Variants in WNK4 observed in about 807,000 individuals in gnomAD.
The protein encoded by WNK4 is WNK lysine deficient protein kinase 4.
WNK4 carries 94 observed loss-of-function variants against 116.2 expected under a neutral mutation model. The observed-to-expected ratio is 0.81, with a 90% CI of 0.68 to 0.96. The LOEUF (loss-of-function observed/expected upper bound fraction) is 0.96, where lower values mean the gene tolerates loss of function less well. WNK4 is among the 40% of genes least tolerant of loss of function. The pLI is 0.00. For missense variants in WNK4, 1,542 were observed against 1,650.6 expected, an observed-to-expected ratio of 0.93 and a Z score of 1.14; for synonymous variants, 655 against 672.7, an observed-to-expected ratio of 0.97 and a Z score of 0.41.
chr17:42,785,374 G>A lies in WNK4; in HGVS notation c.1368G>A (p.Trp456Ter). The A allele has an allele frequency of 6.2e-7, 1 of 1,603,952 alleles. No homozygotes were observed. The highest frequency in any genetic ancestry group is 2.2e-5 in the East Asian group (1 of 44,464). ...GCGAGAAGCCGGGCCTCAAGCTCTGGCTGCGCATGGAGGACGCGCGGCGCG... is the reference window on the plus strand; with the variant it reads ...GCGAGAAGCCGGGCCTCAAGCTCTGACTGCGCATGGAGGACGCGCGGCGCG... ...DDGEKPGLKL[W>*]LRMEDARRGG... The change falls in exon 6 of 19, where the codon TGG (tryptophan) becomes TGA (stop). Residue 456 changes from tryptophan to a stop codon, truncating the protein, a stop_gained. Transcript: ENST00000246914. LOFTEE classifies it high-confidence loss of function.
chr17:42,785,181 G>A lies in WNK4; in HGVS notation c.1255G>A (p.Glu419Lys). 1 of 1,613,758 alleles carries A rather than the reference G, an allele frequency of 6.2e-7. No individual in the cohort carries two copies. Among genetic ancestry groups the A allele is most frequent in the South Asian group, 1.1e-5 (1 of 90,968 alleles). The change falls in exon 5 of 19, where the codon GAG becomes AAG. Residue 419 changes from glutamate to lysine, a missense_variant. Around this residue, in one of 7 missense-constraint regions of WNK4, gnomAD observed 808 missense variants for 873.6 expected, o/e 0.92. Coordinates refer to ENST00000246914, the MANE Select transcript of WNK4 (RefSeq NM_032387.5). Reference sequence around the variant, plus strand: ...AGGCTGCATCCGCACGGATAAGAACGAGAGGTGGGGGTGAAAGGGCAGAGC... The same window carrying A: ...AGGCTGCATCCGCACGGATAAGAACAAGAGGTGGGGGTGAAAGGGCAGAGC... ...IEGCIRTDKN[E>K]RFTIQDLLAH...
In WNK4 at chr17:42,796,943, C is replaced by CA; in HGVS notation, c.*257dup. On this transcript the variant is annotated 3_prime_UTR_variant, in exon 19 of 19. Coordinates refer to ENST00000246914, the MANE Select transcript of WNK4 (RefSeq NM_032387.5). ...CTCTAGCACCTCCCCTGCCAAGAGT[C>CA]AACCACTAAGCAATCCCACCCAAGC... is the stretch of plus-strand genomic sequence containing the variant. The CA allele has an allele frequency of 1.5e-6, 1 of 688,180 alleles. No homozygotes were observed. The highest frequency in any genetic ancestry group is 2.4e-6 in the Non-Finnish European group (1 of 421,214). 42.6% of individuals were successfully genotyped at this position (688,180 alleles called of 1,614,324 possible). A position where few individuals can be genotyped will look rare whatever the true frequency, so the allele number is the denominator to read the frequency against.
rs1380866566 is a variant in WNK4, at chr17:42,780,788, C to A, written c.90C>A (p.Thr30=). The part of the protein sequence containing the change: ...LALRPPPPLG[T]AGQPRLGPPP... ...TGCGGCCCCCGCCTCCTCTTGGCAC[C>A]GCGGGGCAGCCCCGCCTCGGGCCCC... Residue 30 remains threonine (T), a synonymous_variant, in exon 1 of 19, where the codon ACC becomes ACA. Coordinates refer to ENST00000246914, the MANE Select transcript of WNK4 (RefSeq NM_032387.5). The A allele has an allele frequency of 1.2e-6, 2 of 1,604,510 alleles. No individual in the cohort carries two copies. Among genetic ancestry groups the A allele is most frequent in the Non-Finnish European group, 1.7e-6 (2 of 1,178,600 alleles).
At position 42,795,710 on chromosome 17, in the gene WNK4, C is replaced by A; in HGVS notation, c.3108C>A (p.Pro1036=). The A allele has an allele frequency of 1.2e-6, 2 of 1,613,460 alleles. No individual in the cohort carries two copies. Among genetic ancestry groups the A allele is most frequent in the Non-Finnish European group, 1.7e-6 (2 of 1,180,038 alleles). ...AEPLPLQPTS[P]TLSGSPKPST... ...CTCTTCCCTTGCAGCCAACATCCCCCACTCTCTCTGGTTCTCCAAAACCTT... is the reference window on the plus strand; with the variant it reads ...CTCTTCCCTTGCAGCCAACATCCCCAACTCTCTCTGGTTCTCCAAAACCTT... The change falls in exon 16 of 19, where the codon CCC becomes CCA. Residue 1036 remains proline (P), a synonymous_variant. Coordinates refer to ENST00000246914, the MANE Select transcript of WNK4 (RefSeq NM_032387.5).
At position 42,785,441 on chromosome 17, in the gene WNK4, C is replaced by T; in HGVS notation, c.1435C>T (p.Gln479Ter). The T allele has an allele frequency of 6.4e-7, 1 of 1,557,536 alleles. No individual in the cohort carries two copies. Among genetic ancestry groups the T allele is most frequent in the Non-Finnish European group, 8.7e-7 (1 of 1,150,170 alleles). ...CAACCAGGCCATCGAGTTCCTGTTC[C>T]AGCTGGGCCGGGACGCGGCCGAGGA... is the stretch of plus-strand genomic sequence containing the variant. ...RDNQAIEFLFQLGRDAAEEVA... is the reference protein window; with the variant it reads ...RDNQAIEFLF The change falls in exon 6 of 19, where the codon CAG (glutamine) becomes TAG (stop). Residue 479 changes from glutamine (Q) to a stop codon, truncating the protein, a stop_gained. Coordinates refer to ENST00000246914, the MANE Select transcript of WNK4 (RefSeq NM_032387.5). LOFTEE classifies it high-confidence loss of function.
In WNK4 at chr17:42,784,395, A is replaced by G. The variant is rs1183268352; in HGVS notation, c.1013-27A>G. The G allele has an allele frequency of 3.1e-6, 5 of 1,610,666 alleles. No individual in the cohort carries two copies. In the African/African-American group the frequency reaches 4.0e-5, roughly 13 times the overall value. ...AAGGACGAGGCCAGAGTGCCCAGCA[A>G]TCTGATCCCTGCTGTGGACCCTACA... On this transcript the variant is annotated intron_variant, in intron 3 of 18. Transcript: ENST00000246914. This position sits in a 1 kb window ranked among gnomAD's most constrained non-coding sequence, Gnocchi z 4.4.
In WNK4 at chr17:42,795,883, C is replaced by G. The variant is rs371930924; in HGVS notation, c.3281C>G (p.Pro1094Arg). Residue 1094 changes from proline to arginine, a missense_variant, in exon 16 of 19, where the codon CCC (proline) becomes CGC (arginine). Coordinates refer to ENST00000246914, the MANE Select transcript of WNK4 (RefSeq NM_032387.5). ...GAGGAAGGAGATGATGGGAAGGAAC[C>G]CCAAGTTGGGGGCAGCCCCCAACCC... ...VEEEGDDGKE[P>R]QVGGSPQPLS... is the part of the protein sequence containing the mutation. The G allele has an allele frequency of 5.0e-6, 8 of 1,611,668 alleles. No homozygotes were observed. The African/African-American group carries it at 9.4e-5, about 19-fold the overall frequency.
rs374463256 is a variant in WNK4, at chr17:42,788,333, G to A, written c.1966G>A (p.Gly656Arg). Residue 656 changes from glycine to arginine, a missense_variant, in exon 10 of 19, where the codon GGG (glycine) becomes AGG (arginine). Gly to Arg is a moderately radical substitution (Grantham distance 125). Transcript: ENST00000246914. ...TTCAGGCCTTAGCGATGTGGGAGAA[G>A]GGATGGGACAAATGAGGAGACCCCC... ...AASGLSDVGE[G>R]MGQMRRPPGR... is the part of the protein sequence containing the mutation. 4 of 1,614,084 alleles carry A rather than the reference G, an allele frequency of 2.5e-6. No individual in the cohort carries two copies. The highest frequency in any genetic ancestry group is 3.4e-6 in the Non-Finnish European group (4 of 1,180,028).
rs1359703773 is a variant in WNK4, at chr17:42,794,681, T to C, written c.2350+13T>C. On this transcript the variant is annotated intron_variant, in intron 13 of 18. Transcript: ENST00000246914. The stretch of plus-strand genomic sequence containing the variant: ...GACCCATCCAATGGTATGTACTGAG[T>C]TGTGTCCTTGCTCATCCCAACCCCT... 4 of 1,613,728 alleles carry C rather than the reference T, an allele frequency of 2.5e-6. No homozygotes were observed. The highest frequency in any genetic ancestry group is 1.3e-5 in the African/African-American group (1 of 74,860).
intron 11 of WNK4, 137 bp downstream of exon 11, chr17:42,788,934 C>A: frequency 1.3e-6 from 1 of 753,090 alleles, no homozygotes; most frequent in Non-Finnish European, 2.4e-6. Context: ...CACAGTAACG[C>A]TGAAGATGTC....
intron 11 of WNK4, 136 bp downstream of exon 11, chr17:42,788,933 G>A (rs1334981436): frequency 4.2e-5 from 32 of 760,544 alleles, no homozygotes; most frequent in African/African-American, 1.7e-4. Context: ...GCACAGTAAC[G>A]CTGAAGATGT....
chr17:42,781,226 T>G lies in WNK4; in HGVS notation c.528T>G (p.Phe176Leu). ...CCCCCGATGGCCGATACCTCAAGTTTGACATCGAGATTGGACGTGGCTCCT... is the reference window on the plus strand; with the variant it reads ...CCCCCGATGGCCGATACCTCAAGTTGGACATCGAGATTGGACGTGGCTCCT... The part of the protein sequence containing the change: ...ATSPDGRYLK[F>L]DIEIGRGSFK... The change falls in exon 1 of 19, where the codon TTT becomes TTG. Residue 176 changes from phenylalanine (F) to leucine (L), a missense_variant. Physicochemically the swap from Phe to Leu is conservative, Grantham distance 22 (BLOSUM62 0). Transcript: ENST00000246914. 4 of 1,614,136 alleles carry G rather than the reference T, an allele frequency of 2.5e-6. No homozygotes were observed. Among genetic ancestry groups the G allele is most frequent in the Non-Finnish European group, 3.4e-6 (4 of 1,180,014 alleles).
chr17:42,784,494 G>A lies in WNK4; in HGVS notation c.1085G>A (p.Gly362Asp), dbSNP rs768268589. The A allele has an allele frequency of 1.9e-6, 3 of 1,613,840 alleles. No individual in the cohort carries two copies. The African/African-American group carries it at 4.0e-5, about 22-fold the overall frequency. The stretch of plus-strand genomic sequence containing the variant: ...GAGGCCGTGGACGTGTACGCGTTCG[G>A]CATGTGCATGCTGGAGATGGCCACC... ...YDEAVDVYAF[G>D]MCMLEMATSE... Residue 362 changes from glycine to aspartate, a missense_variant, in exon 4 of 19, where the codon GGC (glycine) becomes GAC (aspartate). By Grantham distance (94) the Gly-to-Asp change is moderately conservative. This residue lies in a region of WNK4 where 808 missense variants were observed against 873.6 expected (regional missense o/e 0.92). Transcript: ENST00000246914. This position sits in a 1 kb window ranked among gnomAD's most constrained non-coding sequence, Gnocchi z 4.4.
At position 42,785,294 on chromosome 17, in the gene WNK4, G is replaced by A. The variant is rs1415443774; in HGVS notation, c.1288G>A (p.Ala430Thr). Residue 430 changes from alanine to threonine, a missense_variant, in exon 6 of 19, where the codon GCC (alanine) becomes ACC (threonine). Ala to Thr is a moderately conservative substitution (Grantham distance 58). This residue lies in a region of WNK4 where 808 missense variants were observed against 873.6 expected (regional missense o/e 0.92). Transcript: ENST00000246914. Reference protein sequence around the residue: ...RFTIQDLLAHAFFREERGVHV... With the variant: ...RFTIQDLLAHTFFREERGVHV... ...CACCATCCAGGACCTCCTGGCCCAC[G>A]CCTTCTTCCGCGAGGAGCGCGGTGT... is the stretch of plus-strand genomic sequence containing the variant. 1 of 1,611,542 alleles carries A rather than the reference G, an allele frequency of 6.2e-7. No individual in the cohort carries two copies. The highest frequency in any genetic ancestry group is 8.5e-7 in the Non-Finnish European group (1 of 1,179,012).
rs1309542236 is a variant in WNK4 at position 42,782,919 on chromosome 17, C to T, written c.780C>T (p.Gly260=). Residue 260 remains glycine (G), a synonymous_variant, in exon 2 of 19, where the codon GGC becomes GGT. Transcript: ENST00000246914. This position sits in a 1 kb window ranked among gnomAD's most constrained non-coding sequence, Gnocchi z 4.2. The stretch of plus-strand genomic sequence containing the variant: ...TGGTCACCGAACTCATGACCTCGGG[C>T]ACGCTCAAGACGTGAGCTCTGCGCA... The part of the protein sequence containing the change: ...IVLVTELMTS[G]TLKTYLRRFR... 4 of 1,613,958 alleles carry T rather than the reference C, an allele frequency of 2.5e-6. No individual in the cohort carries two copies. In the African/African-American group the frequency reaches 5.3e-5, roughly 22 times the overall value.
chr17:42,788,070 ATC>A, intron 8 of WNK4, 58 bp from the exon 9 acceptor site: 1 of 1,601,398 alleles, frequency 6.2e-7, no homozygotes, highest in Non-Finnish European at 8.6e-7. Context: ...CCTTGACACC[ATC>A]TCCCTAGATC....
Position 42,797,057 on chromosome 17 carries a change from G to A in WNK4, c.*369G>A, listed in dbSNP as rs761553294. On this transcript the variant is annotated 3_prime_UTR_variant, in exon 19 of 19. Coordinates refer to ENST00000246914, the MANE Select transcript of WNK4 (RefSeq NM_032387.5). ...TTAGCAGCAACCAATAAAAATGCTG[G>A]AAACAAGAACGCCGTGAATCCATAT... 3 of 314,114 alleles carry A rather than the reference G, an allele frequency of 9.6e-6. No individual in the cohort carries two copies. Among genetic ancestry groups the A allele is most frequent in the Non-Finnish European group, 1.8e-5 (3 of 167,826 alleles). 19.5% of individuals were successfully genotyped at this position (314,114 alleles called of 1,614,324 possible).
rs774202622 is a variant in WNK4 at position 42,785,350 on chromosome 17, C to A, written c.1344C>A (p.Gly448=). The change falls in exon 6 of 19, where the codon GGC becomes GGA. Residue 448 remains glycine (G), a synonymous_variant. Transcript: ENST00000246914. ...TGGAACTAGCGGAGGAGGACGACGG[C>A]GAGAAGCCGGGCCTCAAGCTCTGGC... ...VHVELAEEDD[G]EKPGLKLWLR... is the part of the protein sequence containing the mutation. The A allele has an allele frequency of 8.1e-6, 13 of 1,610,124 alleles. No homozygotes were observed. The highest frequency in any genetic ancestry group is 1.3e-5 in the African/African-American group (1 of 74,880).
In WNK4 at chr17:42,784,422, G is replaced by T; in HGVS notation, c.1013G>T (p.Gly338Val). Residue 338 changes from glycine (G) to valine (V), a missense_variant and splice_region_variant, in exon 4 of 19, where the codon GGG (glycine) becomes GTG (valine). Gly to Val is a moderately radical substitution (Grantham distance 109). This residue lies in a region of WNK4 where 808 missense variants were observed against 873.6 expected (regional missense o/e 0.92). Transcript: ENST00000246914. This position sits in a 1 kb window ranked among gnomAD's most constrained non-coding sequence, Gnocchi z 4.4. ...CTGATCCCTGCTGTGGACCCTACAG[G>T]GACCCCGGAATTCATGGCCCCCGAG... ...KRASFAKSVI[G>V]TPEFMAPEMY... 6.2e-7 allele frequency: 1 copy of T among 1,613,396 alleles called. No homozygotes were observed.
Sources: gnomAD v4.1 joint callset for allele counts on GRCh38, gnomAD v4.1.1 for gene constraint, gnomAD v4.1.1 regional missense constraint, Gnocchi (gnomAD v3.1) non-coding constraint, MANE v1.5 for transcripts, NCBI Gene and HGNC (gene_info 2026-07-23, HGNC 2026-07-21) for gene names.